KAZN: variants seen among roughly 807,000 people sequenced by gnomAD.
KAZN encodes kazrin, periplakin interacting protein.
Under a neutral mutation model 87.4 loss-of-function variants are expected in KAZN, and 40 were observed. That is an observed-to-expected ratio of 0.46 (90% CI 0.36 to 0.60). The LOEUF (loss-of-function observed/expected upper bound fraction) is 0.60. KAZN is among the 20% of genes least tolerant of loss of function. The pLI, the probability that KAZN is intolerant of heterozygous loss-of-function variation, is 0.00. For missense variants in KAZN, 898 were observed against 1,073.9 expected (o/e 0.84, Z 2.29); for synonymous variants, 466 against 458.3 (o/e 1.02, Z -0.22).
chr1:14,098,060 C>T (rs540059843), intron 1 of KAZN, among the ~76,000 whole-genome samples: 34 of 151,904 alleles, frequency 2.2e-4, no homozygotes, highest in African/African-American at 7.5e-4. Flanking sequence ...TCCATTTTAC[C>T]GAAGAGGAAA....
intron 10 of KAZN, among the ~76,000 whole-genome samples, chr1:15,100,524 T>C (rs1208755486): frequency 6.6e-6 from 1 of 152,174 alleles, no homozygotes; most frequent in Non-Finnish European, 1.5e-5. Context: ...GATGCGGTGA[T>C]CCTCGTTCCT....
intron 1 of KAZN, among the ~76,000 whole-genome samples, chr1:14,809,024 C>G (rs185239817): frequency 2.8e-3 from 433 of 152,062 alleles, no homozygotes; most frequent in Non-Finnish European, 5.2e-3. Context: ...TCATGTGACT[C>G]TCTGCTTCAT....
At chr1:14,548,145 G>A (rs1198486757) in intron 2 of KAZN, among the ~76,000 whole-genome samples, 1 of 151,554 alleles carries the variant, frequency 6.6e-6, no homozygotes, top group African/African-American at 2.4e-5. Context: ...GCTGCATGTG[G>A]CCTGCAGGCC....
chr1:14,947,681 A>T (rs1198400318), intron 1 of KAZN, among the ~76,000 whole-genome samples: 1 of 90,176 alleles, frequency 1.1e-5, no homozygotes, highest in Non-Finnish European at 2.1e-5. Context: ...GACCTTGAAC[A>T]AACCTGTTGA....
At chr1:14,100,969 A>G (rs1221635167) in intron 1 of KAZN, among the ~76,000 whole-genome samples, 1 of 152,210 alleles carries the variant, frequency 6.6e-6, no homozygotes, top group African/African-American at 2.4e-5. Context: ...GCCTGCTGTC[A>G]TCCATATAAG....
At position 14,728,945 on chromosome 1, in the gene KAZN, C is replaced by T. The variant is rs186514027; in HGVS notation, c.226+129722C>T. ...GTTTCCTTTTAGGATAACAGCAGGC[C>T]GTTTTAGAACCTTCCAGAGGTTACT... On this transcript the variant is annotated intron_variant, in intron 1 of 14. Transcript: ENST00000376030. Among the ~76,000 whole-genome samples the T allele has an allele frequency of 3.3e-5, 5 of 152,266 alleles. No individual in the cohort carries two copies. The East Asian group carries it at 5.8e-4, about 18-fold the overall frequency.
At chr1:14,194,635 T>C (rs1337207318) in intron 2 of KAZN, among the ~76,000 whole-genome samples, 2 of 152,228 alleles carry the variant, frequency 1.3e-5, no homozygotes, top group Non-Finnish European at 2.9e-5. Flanking sequence ...ACAGTGTTTT[T>C]CATGAAGGCT....
intron 4 of KAZN, among the ~76,000 whole-genome samples, chr1:15,048,841 C>G (rs1026223813): frequency 6.7e-6 from 1 of 149,824 alleles, no homozygotes; most frequent in East Asian, 2.0e-4. Flanking sequence ...GGTCGTTGGT[C>G]CTGGGTCGTT....
At position 14,301,757 on chromosome 1, in the gene KAZN, T is replaced by C. The variant is rs900499298; in HGVS notation, c.249+121165T>C. Among the ~76,000 whole-genome samples the C allele has an allele frequency of 2.6e-5, 4 of 152,246 alleles. No individual in the cohort carries two copies. In the South Asian group the frequency reaches 8.3e-4, roughly 32 times the overall value. On this transcript the variant is annotated intron_variant, in intron 2 of 16. Transcript: ENST00000636203. ...ATTCACGGGAGGCAGGTCCTAGCTG[T>C]GGAGGATTTGTCAAGTGCAAGGTAC...
intron 1 of KAZN, among the ~76,000 whole-genome samples, chr1:14,674,703 CAG>C (rs535897464): frequency 9.4e-4 from 143 of 152,324 alleles, no homozygotes; most frequent in African/African-American, 3.3e-3. Flanking sequence ...TGAAAGTAGA[CAG>C]AGATTCAGTT....
chr1:14,252,255 T>G (rs1650111758), intron 2 of KAZN, among the ~76,000 whole-genome samples: 1 of 152,218 alleles, frequency 6.6e-6, no homozygotes, highest in Non-Finnish European at 1.5e-5. Context: ...GGATGTTTTA[T>G]ATTCAGATCT....
At chr1:14,704,288 A>C (rs1642091862) in intron 1 of KAZN, among the ~76,000 whole-genome samples, 1 of 152,246 alleles carries the variant, frequency 6.6e-6, no homozygotes, top group African/African-American at 2.4e-5. Context: ...GGGGCTCTGC[A>C]GTACACAGTC....
intron 1 of KAZN, among the ~76,000 whole-genome samples, chr1:13,932,314 G>A (rs1371899578): frequency 7.0e-6 from 1 of 142,806 alleles, no homozygotes; most frequent in Non-Finnish European, 1.5e-5. Flanking sequence ...AGGCTGGAGT[G>A]CAGTGGCGGG....
chr1:14,653,616 A>G (rs1461574641), intron 1 of KAZN, among the ~76,000 whole-genome samples: 2 of 152,240 alleles, frequency 1.3e-5, no homozygotes, highest in African/African-American at 4.8e-5. Flanking sequence ...AACACTGTTC[A>G]AGCCAAACAA....
intron 2 of KAZN, among the ~76,000 whole-genome samples, chr1:14,541,505 C>T (rs1009925139): frequency 6.6e-6 from 1 of 152,132 alleles, no homozygotes. Context: ...CACCCGGGGC[C>T]AGGACATTAA....
rs111755456 is a variant in KAZN at position 14,912,736 on chromosome 1, T to C, written c.227-47948T>C. ...AAAAATCTGAACTTTTGGTGTAAGTTATCCTAATGTTAAAATGTTGGCATC... is the reference window on the plus strand; with the variant it reads ...AAAAATCTGAACTTTTGGTGTAAGTCATCCTAATGTTAAAATGTTGGCATC... On this transcript the variant is annotated intron_variant, in intron 1 of 14. Coordinates refer to ENST00000376030, the MANE Select transcript of KAZN (RefSeq NM_201628.3). Among the ~76,000 whole-genome samples, 332 of 152,300 alleles carry C rather than the reference T, an allele frequency of 2.2e-3. 3 individuals carry two copies. Among genetic ancestry groups the C allele is most frequent in the Middle Eastern group, 0.017 (5 of 294 alleles).
chr1:13,990,941 C>T (rs1342313318), intron 1 of KAZN, among the ~76,000 whole-genome samples: 1 of 152,176 alleles, frequency 6.6e-6, no homozygotes, highest in Non-Finnish European at 1.5e-5. Flanking sequence ...ATAAGCATTG[C>T]TGCCTAATAA....
At chr1:15,044,745 G>A (rs1673303984) in intron 4 of KAZN, among the ~76,000 whole-genome samples, 1 of 150,694 alleles carries the variant, frequency 6.6e-6, no homozygotes, top group Non-Finnish European at 1.5e-5. Context: ...AAAAAAAAAG[G>A]AAAGGAAAAA....
chr1:14,073,324 G>A (rs369817522), intron 1 of KAZN, among the ~76,000 whole-genome samples: 11 of 152,260 alleles, frequency 7.2e-5, no homozygotes, highest in African/African-American at 2.4e-4. Context: ...CATGCAGGGA[G>A]CTATGTGGAA....
Sources: gnomAD v4.1 joint callset for allele counts (sites outside exome capture counted in the v4.1 genomes callset) on GRCh38, gnomAD v4.1.1 for gene constraint, MANE v1.5 for transcripts, NCBI Gene and HGNC (gene_info 2026-07-23, HGNC 2026-07-21) for gene names.